NRCAM: variants seen among roughly 807,000 people sequenced by gnomAD.
NRCAM encodes neuronal cell adhesion molecule, also known as NgCAM-related cell adhesion molecule.
NRCAM carries 83 observed loss-of-function variants against 156.5 expected under a neutral mutation model. The observed-to-expected ratio is 0.53, with a 90% CI of 0.44 to 0.64. The LOEUF (loss-of-function observed/expected upper bound fraction) is 0.64. Among genes scored for constraint, NRCAM ranks in the 30% least tolerant of loss-of-function variants. The pLI, the probability that NRCAM is intolerant of heterozygous loss-of-function variation, is 0.00. For synonymous variants in NRCAM, 538 were observed against 563.9 expected (o/e 0.95, Z 0.65); for missense variants, 1,417 against 1,597.3 (o/e 0.89, Z 1.92).
intron 1 of NRCAM, among the ~76,000 whole-genome samples, chr7:108,406,041 G>C (rs2099806458): frequency 6.6e-6 from 1 of 151,740 alleles, no homozygotes; most frequent in Non-Finnish European, 1.5e-5. Flanking sequence ...CAGGAATTCA[G>C]AAGTGGAAGG....
chr7:108,180,506 GT>G (rs1563289573), intron 24 of NRCAM, 79 bp from the exon 25 acceptor site: 1 of 1,168,252 alleles, frequency 8.6e-7, no homozygotes, highest in Non-Finnish European at 1.2e-6. Context: ...TGAAACTGTT[GT>G]TTTTCCAGAA....
intron 2 of NRCAM, among the ~76,000 whole-genome samples, chr7:108,367,456 C>T (rs901975217): frequency 1.3e-5 from 2 of 152,022 alleles, no homozygotes; most frequent in African/African-American, 2.4e-5. Flanking sequence ...GAGGTTCCAC[C>T]TATAAAGATC....
intron 1 of NRCAM, among the ~76,000 whole-genome samples, chr7:108,402,699 T>C (rs2099796282): frequency 6.6e-6 from 1 of 152,216 alleles, no homozygotes; most frequent in Non-Finnish European, 1.5e-5. Context: ...TATTCTAATG[T>C]TAACTTCCCC....
intron 3 of NRCAM, among the ~76,000 whole-genome samples, chr7:108,266,934 A>T (rs187608782): frequency 7.2e-4 from 109 of 152,374 alleles, no homozygotes; most frequent in Non-Finnish European, 3.5e-4. Context: ...TTACAGTTTT[A>T]TAGAGCAGAG....
chr7:108,366,380 A>G (rs1334683281), intron 2 of NRCAM, among the ~76,000 whole-genome samples: 2 of 152,232 alleles, frequency 1.3e-5, no homozygotes, highest in Admixed American at 1.3e-4. Context: ...CCACTAATGT[A>G]AAAGTCTTAT....
chr7:108,255,529 C>T (rs1272576166), intron 3 of NRCAM, among the ~76,000 whole-genome samples: 1 of 152,168 alleles, frequency 6.6e-6, no homozygotes, highest in Non-Finnish European at 1.5e-5. Flanking sequence ...CCTCCACCTC[C>T]CAGCAGCCTG....
At chr7:108,214,287 C>T (rs1319630779) in intron 11 of NRCAM, among the ~76,000 whole-genome samples, 2 of 152,110 alleles carry the variant, frequency 1.3e-5, no homozygotes, top group Admixed American at 6.5e-5. Context: ...TCTTATTGGT[C>T]TATTCAGGGA....
intron 3 of NRCAM, among the ~76,000 whole-genome samples, chr7:108,251,552 C>T (rs1348597262): frequency 6.6e-6 from 1 of 152,124 alleles, no homozygotes; most frequent in Admixed American, 6.5e-5. Flanking sequence ...TACTGAGATG[C>T]CAGCACAGAG....
chr7:108,224,534 C>T (rs572590964), intron 10 of NRCAM, among the ~76,000 whole-genome samples: 16 of 152,148 alleles, frequency 1.1e-4, no homozygotes, highest in African/African-American at 3.4e-4. Flanking sequence ...TTTATGGAGG[C>T]CTTTCCAAAA....
intron 2 of NRCAM, among the ~76,000 whole-genome samples, chr7:108,362,060 T>C (rs2099555797): frequency 6.6e-6 from 1 of 152,198 alleles, no homozygotes; most frequent in African/African-American, 2.4e-5. Flanking sequence ...AACCCAGATG[T>C]CTTTTAATAG....
intron 8 of NRCAM, among the ~76,000 whole-genome samples, chr7:108,230,270 A>G (rs187045288): frequency 2.2e-4 from 33 of 151,286 alleles, no homozygotes; most frequent in Admixed American, 4.6e-4. Context: ...GACCCTCAAA[A>G]TATATCCAGA....
At chr7:108,363,508 A>AC (rs2099572597) in intron 2 of NRCAM, among the ~76,000 whole-genome samples, 1 of 152,116 alleles carries the variant, frequency 6.6e-6, no homozygotes, top group African/African-American at 2.4e-5. Context: ...TTGGCCTCTC[A>AC]AAGTTATGGG....
intron 2 of NRCAM, among the ~76,000 whole-genome samples, chr7:108,332,435 C>T (rs2099136261): frequency 6.6e-6 from 1 of 152,184 alleles, no homozygotes; most frequent in South Asian, 2.1e-4. Context: ...TGAAGACAGT[C>T]ATCTCACATT....
intron 3 of NRCAM, among the ~76,000 whole-genome samples, chr7:108,293,740 T>G (rs1455272672): frequency 6.6e-6 from 1 of 152,208 alleles, no homozygotes; most frequent in Non-Finnish European, 1.5e-5. Flanking sequence ...TCACCAAAAC[T>G]CTGCAAGATA....
chr7:108,209,558 T>C lies in NRCAM; in HGVS notation c.938A>G (p.Lys313Arg). The C allele has an allele frequency of 3.7e-6, 6 of 1,611,978 alleles. No homozygotes were observed. Among genetic ancestry groups the C allele is most frequent in the Non-Finnish European group, 5.1e-6 (6 of 1,179,314 alleles). ...YWAKEDGMLP[K>R]NRTVYKNFEK... is the part of the protein sequence containing the mutation. Reference sequence around the variant, plus strand: ...AAAGTTCTTATAAACTGTCCTGTTTTTGGGTAGCATTCCATCTTCCTTTGC... The same window carrying C: ...AAAGTTCTTATAAACTGTCCTGTTTCTGGGTAGCATTCCATCTTCCTTTGC... Residue 313 changes from lysine (K) to arginine (R), a missense_variant, in exon 12 of 33, where the codon AAA (lysine) becomes AGA (arginine). Lys to Arg is a conservative substitution (Grantham distance 26). Transcript: ENST00000379028.
intron 13 of NRCAM, among the ~76,000 whole-genome samples, chr7:108,201,642 T>C (rs927841627): frequency 1.3e-5 from 2 of 152,172 alleles, no homozygotes; most frequent in South Asian, 2.1e-4. Context: ...ACAATGTCAG[T>C]AGGACAATTT....
At chr7:108,254,108 C>T (rs1590157126) in intron 3 of NRCAM, among the ~76,000 whole-genome samples, 1 of 152,176 alleles carries the variant, frequency 6.6e-6, no homozygotes, top group Non-Finnish European at 1.5e-5. Flanking sequence ...TTAGCTATGA[C>T]ACCAAAAGAA....
At chr7:108,388,916 A>G (rs374870711) in intron 2 of NRCAM, among the ~76,000 whole-genome samples, 1 of 152,008 alleles carries the variant, frequency 6.6e-6, no homozygotes, top group Admixed American at 6.5e-5. Flanking sequence ...TCCATTGTCT[A>G]TATCTCTGTT....
chr7:108,189,833 A>T, intron 19 of NRCAM, 87 bp from the exon 20 acceptor site: 2 of 648,960 alleles, frequency 3.1e-6, no homozygotes, highest in Non-Finnish European at 5.5e-6. Context: ...CAGAGGGGAC[A>T]TCTTAAAGAC....
Sources: allele counts gnomAD v4.1 joint callset (sites outside exome capture counted in the v4.1 genomes callset), GRCh38; gene constraint gnomAD v4.1.1; transcripts MANE v1.5; gene names NCBI Gene and HGNC (gene_info 2026-07-23, HGNC 2026-07-21).